The following MGMT variants were observed in gnomAD, a reference collection of about 807,000 sequenced individuals.
MGMT encodes O-6-methylguanine-DNA methyltransferase.
In MGMT, 14 loss-of-function variants were observed where a neutral mutation model predicts 15.9. That is an observed-to-expected ratio of 0.88 (90% confidence interval 0.58 to 1.37). The LOEUF is 1.37. Ranked by LOEUF, MGMT falls within the 40% of genes most tolerant of loss-of-function variation. The pLI is 0.00. For synonymous variants in MGMT, 130 were observed against 118.2 expected (o/e 1.10, Z -0.65); for missense variants, 282 against 268.1 (o/e 1.05, Z -0.36).
At chr10:129,669,474 C>T (rs1199915460) in intron 2 of MGMT, among the ~76,000 whole-genome samples, 1 of 152,008 alleles carries the variant, frequency 6.6e-6, no homozygotes, top group Non-Finnish European at 1.5e-5. Context: ...TGAGATCAAC[C>T]CACAGACATA....
intron 2 of MGMT, among the ~76,000 whole-genome samples, chr10:129,691,379 C>T (rs968207819): frequency 2.0e-5 from 3 of 152,198 alleles, no homozygotes; most frequent in East Asian, 1.9e-4. Context: ...TTGGGAGAGG[C>T]GGAGAGCACA....
chr10:129,531,824 ATTG>A (rs1321422448), intron 1 of MGMT, among the ~76,000 whole-genome samples: 1 of 150,678 alleles, frequency 6.6e-6, no homozygotes, highest in Admixed American at 6.6e-5. Context: ...GTTCCAGCTC[ATTG>A]TTGTGTTCAG....
At chr10:129,666,132 G>A (rs1847656581) in intron 2 of MGMT, among the ~76,000 whole-genome samples, 1 of 152,164 alleles carries the variant, frequency 6.6e-6, no homozygotes, top group Non-Finnish European at 1.5e-5. Flanking sequence ...GTAAAAACAG[G>A]TGAATCTAGG....
Position 129,480,319 on chromosome 10 carries a change from G to A in MGMT, c.-13+13023G>A, listed in dbSNP as rs765558550. On this transcript the variant is annotated intron_variant, in intron 1 of 4. Transcript: ENST00000651593. ...GAGGGTTTGTAGCAGGGTGCAATCC[G>A]AGACCCGCTCTGTGAACTTTTTGCT... 3.9e-5 allele frequency among the ~76,000 whole-genome samples: 6 copies of A among 152,292 alleles called. No homozygotes were observed. In the East Asian group the frequency reaches 9.6e-4, roughly 24 times the overall value.
At chr10:129,571,817 A>C (rs1003899943) in intron 2 of MGMT, among the ~76,000 whole-genome samples, 2 of 152,238 alleles carry the variant, frequency 1.3e-5, no homozygotes, top group Non-Finnish European at 2.9e-5. Context: ...TCATCTAAGT[A>C]AGCTATGAAT....
At chr10:129,620,281 G>A (rs1847076851) in intron 2 of MGMT, among the ~76,000 whole-genome samples, 1 of 152,190 alleles carries the variant, frequency 6.6e-6, no homozygotes, top group Admixed American at 6.5e-5. Context: ...TGATTACACT[G>A]TTCCATGTGC....
At chr10:129,572,481 CAG>C (rs1846431595) in intron 2 of MGMT, among the ~76,000 whole-genome samples, 1 of 152,182 alleles carries the variant, frequency 6.6e-6, no homozygotes, top group Non-Finnish European at 1.5e-5. Context: ...TAGACGTCCT[CAG>C]AGTGTCTTCT....
Position 129,768,320 on chromosome 10 carries a change from G to T in MGMT, c.*1323G>T, listed in dbSNP as rs372732774. 1.3e-5 allele frequency among the ~76,000 whole-genome samples: 2 copies of T among 152,250 alleles called. No individual in the cohort carries two copies. Among genetic ancestry groups the T allele is most frequent in the African/African-American group, 4.8e-5 (2 of 41,452 alleles). The stretch of plus-strand genomic sequence containing the variant: ...ATCTCGGTTTTTCCTATGACATGAA[G>T]TGATGTGACTCTTACCCCGTTGTCT... On this transcript the variant is annotated 3_prime_UTR_variant, in exon 5 of 5. Coordinates refer to ENST00000651593, the MANE Select transcript of MGMT (RefSeq NM_002412.5).
At chr10:129,682,799 T>C (rs1847867180) in intron 2 of MGMT, among the ~76,000 whole-genome samples, 1 of 152,170 alleles carries the variant, frequency 6.6e-6, no homozygotes, top group African/African-American at 2.4e-5. Context: ...TTCTTGTGAA[T>C]CTTCAATTTC....
intron 2 of MGMT, among the ~76,000 whole-genome samples, chr10:129,692,067 T>TGG (rs1244089039): frequency 6.6e-6 from 1 of 152,144 alleles, no homozygotes; most frequent in Admixed American, 6.5e-5. Context: ...CAGCACCCAG[T>TGG]GGGTGCTCAG....
chr10:129,559,583 A>G (rs1288808583), intron 2 of MGMT, among the ~76,000 whole-genome samples: 2 of 152,056 alleles, frequency 1.3e-5, no homozygotes, highest in African/African-American at 2.4e-5. Context: ...CTCCCGCTGT[A>G]AGGTGAGTGG....
At chr10:129,713,336 A>G (rs1848254527) in intron 3 of MGMT, among the ~76,000 whole-genome samples, 1 of 152,200 alleles carries the variant, frequency 6.6e-6, no homozygotes, top group African/African-American at 2.4e-5. Flanking sequence ...TAAGTGGAAA[A>G]AACAGCTGGT....
At chr10:129,521,830 G>A (rs12243120) in intron 1 of MGMT, among the ~76,000 whole-genome samples, 37,842 of 152,178 alleles carry the variant, frequency 0.25, 5,657 homozygotes, top group African/African-American at 0.42. Context: ...CAGCCTCCCC[G>A]GTGCTAGTGC....
In MGMT at chr10:129,626,273, C is replaced by T. The variant is rs148115076; in HGVS notation, c.126-81622C>T. Among the ~76,000 whole-genome samples the T allele has an allele frequency of 3.3e-3, 500 of 152,304 alleles. 3 individuals carry two copies. Among genetic ancestry groups the T allele is most frequent in the Admixed American group, 7.1e-3 (108 of 15,304 alleles). ...TCCAGGTGATCAGTCCCCACCCACC[C>T]GCATGCCTCTCCTTCTCCATCCCAC... is the stretch of plus-strand genomic sequence containing the variant. On this transcript the variant is annotated intron_variant, in intron 2 of 4. Coordinates refer to ENST00000651593, the MANE Select transcript of MGMT (RefSeq NM_002412.5).
chr10:129,575,727 A>G (rs1307261343), intron 2 of MGMT, among the ~76,000 whole-genome samples: 2 of 152,058 alleles, frequency 1.3e-5, no homozygotes, highest in Non-Finnish European at 2.9e-5. Context: ...AACCCTTCAA[A>G]AAATCAATGA....
intron 3 of MGMT, among the ~76,000 whole-genome samples, chr10:129,757,344 G>A (rs976504989): frequency 1.3e-5 from 2 of 152,186 alleles, no homozygotes; most frequent in Admixed American, 1.3e-4. Flanking sequence ...TGAGGCCCTT[G>A]GAACCATGCC....
Position 129,649,734 on chromosome 10 carries a change from C to T in MGMT, c.126-58161C>T, listed in dbSNP as rs1210935129. ...GGAATATTTTAGGCTAACGTTGCTCCAAGAAGCAGTATTTGCCTGTAAGAA... is the reference window on the plus strand; with the variant it reads ...GGAATATTTTAGGCTAACGTTGCTCTAAGAAGCAGTATTTGCCTGTAAGAA... On this transcript the variant is annotated intron_variant, in intron 2 of 4. Transcript: ENST00000651593. Among the ~76,000 whole-genome samples the T allele has an allele frequency of 3.3e-5, 5 of 152,216 alleles. No individual in the cohort carries two copies. In the East Asian group the frequency reaches 7.7e-4, roughly 24 times the overall value.
intron 2 of MGMT, among the ~76,000 whole-genome samples, chr10:129,559,473 G>C (rs992211469): frequency 6.6e-6 from 1 of 152,096 alleles, no homozygotes; most frequent in African/African-American, 2.4e-5. Context: ...GTGATAATTA[G>C]AAGAAACCCC....
rs1847392351 is a variant in MGMT, at chr10:129,646,661, A to G, written c.126-61234A>G. 1.4e-5 allele frequency among the ~76,000 whole-genome samples: 2 copies of G among 147,004 alleles called. 1 individual carries two copies. The highest frequency in any genetic ancestry group is 4.3e-4 in the South Asian group (2 of 4,678). On this transcript the variant is annotated intron_variant, in intron 2 of 4. Transcript: ENST00000651593. The stretch of plus-strand genomic sequence containing the variant: ...GTGGCATCCTCACTGGTCTTACAGC[A>G]TTATGGGGAATGCAAAATAAGGACT...
Sources: gnomAD v4.1 joint callset for allele counts (sites outside exome capture counted in the v4.1 genomes callset) on GRCh38, gnomAD v4.1.1 for gene constraint, MANE v1.5 for transcripts, NCBI Gene and HGNC (gene_info 2026-07-23, HGNC 2026-07-21) for gene names.